The following KTN1 variants were observed in gnomAD, a reference collection of about 807,000 sequenced individuals.
KTN1 encodes the protein kinectin 1, also known as kinectin.
Under a neutral mutation model 222.5 loss-of-function variants are expected in KTN1, and 130 were observed. That is an observed-to-expected ratio of 0.58 (90% CI 0.51 to 0.68). The LOEUF is 0.68. KTN1 is among the 30% of genes least tolerant of loss of function. The pLI is 0.00. For synonymous variants in KTN1, 512 were observed against 496.3 expected, an observed-to-expected ratio of 1.03 and a Z score of -0.42; for missense variants, 1,508 against 1,500.4, an observed-to-expected ratio of 1.01 and a Z score of -0.08.
intron 29 of KTN1, among the ~76,000 whole-genome samples, chr14:55,657,396 C>CTTTTTTTTTTTTTTTTT (rs2043595835): frequency 8.6e-6 from 1 of 115,646 alleles, no homozygotes; most frequent in African/African-American, 3.3e-5. Flanking sequence ...ACTGAGTTGA[C>CTTTTTTTTTTTTTTTTT]GTTTTTTTTT....
chr14:55,660,384 A>G (rs1056140777), intron 31 of KTN1, among the ~76,000 whole-genome samples: 4 of 141,274 alleles, frequency 2.8e-5, no homozygotes, highest in Admixed American at 2.1e-4. Flanking sequence ...TGTCTTTCTT[A>G]AGGAGTTTTT....
chr14:55,681,185 A>C (rs1247704296), intron 43 of KTN1: 1 of 157,140 alleles, frequency 6.4e-6, no homozygotes. Context: ...ATTTTTGCAA[A>C]AATCATTAAT....
chr14:55,596,027 C>T (rs1242479937), intron 1 of KTN1, among the ~76,000 whole-genome samples: 5 of 151,632 alleles, frequency 3.3e-5, no homozygotes, highest in African/African-American at 4.8e-5. Context: ...TGGTGGCAGG[C>T]GCCTGTAGTC....
At chr14:55,670,858 GC>G (rs2045380621) in intron 35 of KTN1, 49 bp downstream of exon 35, 25 of 1,274,924 alleles carry the variant, frequency 2.0e-5, no homozygotes, top group Non-Finnish European at 2.7e-5. Flanking sequence ...GAAAAAAGAA[GC>G]AAATAAGATT....
Position 55,634,511 on chromosome 14 carries a change from A to T in KTN1, c.1329-15A>T, listed in dbSNP as rs576544947. 8 of 1,595,648 alleles carry T rather than the reference A, an allele frequency of 5.0e-6. No homozygotes were observed. The highest frequency in any genetic ancestry group is 6.8e-6 in the Non-Finnish European group (8 of 1,173,926). Reference sequence around the variant, plus strand: ...TGTAATAACGGAAGGCTCCTAATCCAGTTACTGTTTTCAGGCAGTCTGCAG... The same window carrying T: ...TGTAATAACGGAAGGCTCCTAATCCTGTTACTGTTTTCAGGCAGTCTGCAG... On this transcript the variant is annotated splice_polypyrimidine_tract_variant and intron_variant, in intron 8 of 43. Coordinates refer to ENST00000395314, the MANE Select transcript of KTN1 (RefSeq NM_001079521.2).
chr14:55,618,134 G>A lies in KTN1; in HGVS notation c.832G>A (p.Glu278Lys). The A allele has an allele frequency of 1.2e-6, 2 of 1,606,098 alleles. No homozygotes were observed. The highest frequency in any genetic ancestry group is 8.5e-7 in the Non-Finnish European group (1 of 1,175,768). Residue 278 changes from glutamate (E) to lysine (K), a missense_variant and splice_region_variant, in exon 4 of 44, where the codon GAA becomes AAA. Glu to Lys is a moderately conservative substitution (Grantham distance 56). Transcript: ENST00000395314. Reference protein sequence around the residue: ...TKKLKTETDKENAEVKFKDFL... With the variant: ...TKKLKTETDKKNAEVKFKDFL... ...AAAACTGAAGACCGAAACTGACAAA[G>A]GTAATATATGGGATTTATAGTCTTT...
chr14:55,621,959 C>T (rs2039202159), intron 5 of KTN1, among the ~76,000 whole-genome samples: 1 of 149,818 alleles, frequency 6.7e-6, no homozygotes, highest in Non-Finnish European at 1.5e-5. Flanking sequence ...AGTGATTCTG[C>T]TGCCTCAGCT....
intron 1 of KTN1, among the ~76,000 whole-genome samples, chr14:55,608,257 G>T (rs554432433): frequency 6.6e-6 from 1 of 151,806 alleles, no homozygotes; most frequent in Non-Finnish European, 1.5e-5. Context: ...GATGCTCATG[G>T]GTAAAATGTG....
rs150592975 is a variant in KTN1, at chr14:55,613,796, A to G, written c.523+1225A>G. 3.8e-3 allele frequency among the ~76,000 whole-genome samples: 583 copies of G among 152,164 alleles called. 1 individual carries two copies. Among genetic ancestry groups the G allele is most frequent in the Non-Finnish European group, 6.4e-3 (435 of 67,986 alleles). ...GTTGTATTGGATTTTAAATATTTGCATGTCAGCTAGGATCAAGGCATAGTA... is the reference window on the plus strand; with the variant it reads ...GTTGTATTGGATTTTAAATATTTGCGTGTCAGCTAGGATCAAGGCATAGTA... On this transcript the variant is annotated intron_variant, in intron 2 of 43. Coordinates refer to ENST00000395314, the MANE Select transcript of KTN1 (RefSeq NM_001079521.2).
At chr14:55,661,250 A>G (rs757556469) in intron 31 of KTN1, 3 of 256,938 alleles carry the variant, frequency 1.2e-5, no homozygotes, top group Non-Finnish European at 2.2e-5. Context: ...AACAGTTCAT[A>G]TCTTCATAAT....
chr14:55,631,644 A>G (rs962943263), intron 7 of KTN1, among the ~76,000 whole-genome samples: 2 of 151,972 alleles, frequency 1.3e-5, no homozygotes, highest in Non-Finnish European at 2.9e-5. Context: ...TTTGCCAGGC[A>G]TGGTGGCATG....
intron 1 of KTN1, among the ~76,000 whole-genome samples, chr14:55,584,026 A>C (rs546442340): frequency 6.6e-6 from 1 of 152,156 alleles, no homozygotes; most frequent in Admixed American, 6.5e-5. Context: ...GATTTCTGCA[A>C]TTAGCCTCCT....
intron 1 of KTN1, among the ~76,000 whole-genome samples, chr14:55,582,314 C>T (rs910391392): frequency 6.6e-6 from 1 of 152,110 alleles, no homozygotes; most frequent in Non-Finnish European, 1.5e-5. Context: ...TTCAGTCTCC[C>T]TTCTAGTTTA....
rs768374029 is a variant in KTN1, at chr14:55,630,040, T to C, written c.1164T>C (p.Asn388=). The change falls in exon 7 of 44, where the codon AAT becomes AAC. Residue 388 remains asparagine (N), a synonymous_variant. Transcript: ENST00000395314. ...DRIGTLEKEH[N]VFQNKIHVSY... ...TTGGAACATTAGAAAAGGAACATAA[T>C]GTATTTCAAAACAAAATACATGTCA... The C allele has an allele frequency of 1.9e-5, 30 of 1,605,636 alleles. No individual in the cohort carries two copies. Among genetic ancestry groups the C allele is most frequent in the Non-Finnish European group, 2.4e-5 (28 of 1,172,314 alleles).
At chr14:55,584,231 T>TA (rs143590938) in intron 1 of KTN1, among the ~76,000 whole-genome samples, 10,761 of 152,316 alleles carry the variant, frequency 0.071, 447 homozygotes, top group South Asian at 0.09. Flanking sequence ...TAAGGTTAGC[T>TA]ACTATCATCC....
chr14:55,633,100 ATATT>A (rs1309857531), intron 7 of KTN1, 131 bp from the exon 8 acceptor site: 42 of 467,536 alleles, frequency 9.0e-5, no homozygotes, highest in African/African-American at 6.1e-4. Context: ...AAATTTGTTT[ATATT>A]TATTTGAGAA....
chr14:55,636,632 G>T (rs1348219482), intron 10 of KTN1, 96 bp downstream of exon 10: 3 of 772,366 alleles, frequency 3.9e-6, no homozygotes, highest in Middle Eastern at 2.4e-4. Context: ...TTGGCATTTT[G>T]GTTATAGCTC....
At position 55,673,174 on chromosome 14, in the gene KTN1, G is replaced by GA; in HGVS notation, c.3693dup (p.Asp1232ArgfsTer5). On this transcript the variant is annotated frameshift_variant, in exon 40 of 44. Transcript: ENST00000395314. LOFTEE classifies it high-confidence loss of function. ...TTAAACTCTAAACTTCATTGCAGCT[G>GA]AAAGATCTGTTGACTGAATTGCAGA... 1 of 1,611,788 alleles carries GA rather than the reference G, an allele frequency of 6.2e-7. No individual in the cohort carries two copies.
At position 55,637,237 on chromosome 14, in the gene KTN1, A is replaced by G. The variant is rs2041235386; in HGVS notation, c.1589A>G (p.Gln530Arg). Residue 530 changes from glutamine to arginine, a missense_variant, in exon 11 of 44, where the codon CAG (glutamine) becomes CGG (arginine). By Grantham distance (43) the Gln-to-Arg change is conservative. Transcript: ENST00000395314. Reference sequence around the variant, plus strand: ...TTTGTGGCCAAAGAAAATGAAGTACAGAGTCTGCATAGTAAGCTTACAGAT... The same window carrying G: ...TTTGTGGCCAAAGAAAATGAAGTACGGAGTCTGCATAGTAAGCTTACAGAT... ...SKFVAKENEV[Q>R]SLHSKLTDTL... is the part of the protein sequence containing the mutation. The G allele has an allele frequency of 6.2e-7, 1 of 1,609,290 alleles. No homozygotes were observed. Among genetic ancestry groups the G allele is most frequent in the Non-Finnish European group, 8.5e-7 (1 of 1,177,072 alleles).
Sources: allele counts gnomAD v4.1 joint callset (sites outside exome capture counted in the v4.1 genomes callset), GRCh38; gene constraint gnomAD v4.1.1; transcripts MANE v1.5; gene names NCBI Gene and HGNC (gene_info 2026-07-23, HGNC 2026-07-21).